Variants in HPSE2 observed in about 807,000 individuals in gnomAD.
HPSE2 encodes inactive heparanase-2.
A neutral mutation model predicts 60.5 loss-of-function variants in HPSE2; 38 were observed. The ratio of observed to expected loss-of-function variants is 0.63; its 90% confidence interval spans 0.48 to 0.82. The LOEUF is 0.82. Ranked by LOEUF, HPSE2 falls within the 40% of genes least tolerant of loss-of-function variation. The pLI, the probability that HPSE2 is intolerant of heterozygous loss-of-function variation, is 0.00. For missense variants in HPSE2, 713 were observed against 740.4 expected (o/e 0.96, Z 0.43); for synonymous variants, 295 against 293.2 (o/e 1.01, Z -0.06).
At chr10:98,830,096 T>C (rs1008029148) in intron 3 of HPSE2, among the ~76,000 whole-genome samples, 1 of 151,858 alleles carries the variant, frequency 6.6e-6, no homozygotes, top group African/African-American at 2.4e-5. Context: ...ATTCATTCAT[T>C]CATTCACTCA....
intron 3 of HPSE2, among the ~76,000 whole-genome samples, chr10:98,818,243 C>T (rs1451924196): frequency 6.6e-6 from 1 of 152,178 alleles, no homozygotes; most frequent in Admixed American, 6.5e-5. Flanking sequence ...ATGCAGCAGT[C>T]CCCAATCTTT....
intron 3 of HPSE2, among the ~76,000 whole-genome samples, chr10:98,900,880 G>A (rs1182746941): frequency 1.3e-5 from 2 of 152,082 alleles, no homozygotes; most frequent in African/African-American, 4.8e-5. Flanking sequence ...AAACACATAT[G>A]TACATATAAA....
chr10:99,033,053 G>A (rs1472143168), intron 3 of HPSE2, among the ~76,000 whole-genome samples: 1 of 152,128 alleles, frequency 6.6e-6, no homozygotes, highest in African/African-American at 2.4e-5. Flanking sequence ...CAGAAATTAG[G>A]ACATGGATAT....
intron 9 of HPSE2, among the ~76,000 whole-genome samples, chr10:98,568,310 C>A (rs1944402966): frequency 2.0e-5 from 3 of 152,132 alleles, no homozygotes; most frequent in Admixed American, 2.0e-4. Flanking sequence ...TTCTATATAA[C>A]TTGCAATTGT....
intron 2 of HPSE2, among the ~76,000 whole-genome samples, chr10:99,184,797 T>TATATATATATATAG (rs1847916177): frequency 3.6e-5 from 1 of 27,602 alleles, no homozygotes; most frequent in Non-Finnish European, 1.1e-4. Flanking sequence ...TATATATATA[T>TATATATATATATAG]ATATATATAT....
chr10:98,554,490 C>G (rs924787850), intron 9 of HPSE2, among the ~76,000 whole-genome samples: 2 of 152,122 alleles, frequency 1.3e-5, no homozygotes, highest in African/African-American at 4.8e-5. Flanking sequence ...ATTATTTGTA[C>G]TTAGCTAATT....
At chr10:98,960,736 TTTTA>T (rs759949345) in intron 3 of HPSE2, among the ~76,000 whole-genome samples, 12,670 of 49,502 alleles carry the variant, frequency 0.26, 878 homozygotes, top group African/African-American at 0.47. Flanking sequence ...ATTTTTTTTA[TTTTA>T]TTTTTTTTTT....
chr10:98,852,895 G>A (rs1228116099), intron 3 of HPSE2, among the ~76,000 whole-genome samples: 2 of 152,166 alleles, frequency 1.3e-5, no homozygotes, highest in Non-Finnish European at 2.9e-5. Flanking sequence ...CTAGGGGCTT[G>A]CTGACCTTCT....
chr10:98,510,178 G>T (rs925278116), intron 9 of HPSE2, among the ~76,000 whole-genome samples: 2 of 151,854 alleles, frequency 1.3e-5, no homozygotes, highest in Non-Finnish European at 2.9e-5. Flanking sequence ...GAAATGTTTT[G>T]TCTTTACTTA....
intron 2 of HPSE2, among the ~76,000 whole-genome samples, chr10:99,170,244 C>T (rs1847257411): frequency 6.6e-6 from 1 of 152,190 alleles, no homozygotes; most frequent in African/African-American, 2.4e-5. Context: ...TATCACCCAG[C>T]AGAACAAACG....
At chr10:99,306,110 G>C in the HPSE2 span, among the ~76,000 whole-genome samples, 1 of 151,546 alleles carries the variant, frequency 6.6e-6, no homozygotes, top group East Asian at 1.9e-4. Context: ...GAGACTTATG[G>C]GACATGGGCA....
chr10:98,860,534 A>T (rs984929595), intron 3 of HPSE2, among the ~76,000 whole-genome samples: 1 of 152,198 alleles, frequency 6.6e-6, no homozygotes, highest in Non-Finnish European at 1.5e-5. Context: ...TACTTAATCC[A>T]CACAACAGAA....
intron 3 of HPSE2, among the ~76,000 whole-genome samples, chr10:99,064,535 C>T (rs1428259873): frequency 6.6e-6 from 1 of 151,934 alleles, no homozygotes; most frequent in Non-Finnish European, 1.5e-5. Context: ...TCCTTACCAC[C>T]ACCATGACCT....
chr10:98,699,273 C>T (rs1324817069), intron 5 of HPSE2, among the ~76,000 whole-genome samples: 2 of 151,908 alleles, frequency 1.3e-5, no homozygotes, highest in African/African-American at 4.8e-5. Flanking sequence ...TCCAGCAGCA[C>T]ATCAAAAAGC....
At chr10:98,782,457 T>G (rs1462116044) in intron 3 of HPSE2, among the ~76,000 whole-genome samples, 1 of 135,786 alleles carries the variant, frequency 7.4e-6, no homozygotes, top group African/African-American at 2.9e-5. Context: ...TTAGATTCAA[T>G]AAAATCCCAA....
At chr10:98,756,797 G>A (rs1320649216) in intron 3 of HPSE2, among the ~76,000 whole-genome samples, 1 of 152,032 alleles carries the variant, frequency 6.6e-6, no homozygotes, top group African/African-American at 2.4e-5. Context: ...AAAAAATCCA[G>A]GAGAAGAACC....
chr10:98,909,955 G>C (rs1953934510), intron 3 of HPSE2, among the ~76,000 whole-genome samples: 1 of 152,146 alleles, frequency 6.6e-6, no homozygotes, highest in South Asian at 2.1e-4. Flanking sequence ...ACTGTTAACA[G>C]AGATGTAAGC....
Position 98,614,887 on chromosome 10 carries a change from C to T in HPSE2, c.1320+17G>A. 1.3e-6 allele frequency: 2 copies of T among 1,506,010 alleles called. No individual in the cohort carries two copies. The highest frequency in any genetic ancestry group is 3.3e-5 in the Admixed American group (2 of 59,890). 93.3% of individuals were successfully genotyped at this position (1,506,010 alleles called of 1,614,324 possible). The stretch of plus-strand genomic sequence containing the variant: ...ATGACATGGAAAAGGGATTGGGAAT[C>T]TTTATCCCACACTTACTGGTAATGG... On this transcript the variant is annotated intron_variant, in intron 9 of 11. Coordinates refer to ENST00000370552, the MANE Select transcript of HPSE2 (RefSeq NM_021828.5).
chr10:98,502,189 A>T (rs1317835932), intron 9 of HPSE2, among the ~76,000 whole-genome samples: 1 of 152,222 alleles, frequency 6.6e-6, no homozygotes, highest in African/African-American at 2.4e-5. Context: ...CAGAATTTGA[A>T]AAAACAATTC....
Sources: allele counts gnomAD v4.1 joint callset (sites outside exome capture counted in the v4.1 genomes callset), GRCh38; gene constraint gnomAD v4.1.1; transcripts MANE v1.5; gene names NCBI Gene and HGNC (gene_info 2026-07-23, HGNC 2026-07-21).